ATXN2: variants seen among roughly 807,000 people sequenced by gnomAD.
ATXN2 encodes ataxin-2.
ATXN2 carries 37 observed loss-of-function variants against 138.6 expected under a neutral mutation model. That is an observed-to-expected ratio of 0.27 (90% CI 0.21 to 0.35). The LOEUF (loss-of-function observed/expected upper bound fraction) is 0.35. ATXN2 is among the 10% of genes least tolerant of loss of function. ATXN2 has a pLI of 1.00. For synonymous variants in ATXN2, 549 were observed against 543.7 expected, an observed-to-expected ratio of 1.01 and a Z score of -0.13; for missense variants, 1,216 against 1,480.3, an observed-to-expected ratio of 0.82 and a Z score of 2.93.
intron 1 of ATXN2, among the ~76,000 whole-genome samples, chr12:111,558,710 T>A (rs1317967736): frequency 6.6e-6 from 1 of 152,108 alleles, no homozygotes; most frequent in East Asian, 1.9e-4. Flanking sequence ...GGTGGGAGGA[T>A]CACTTGAGCC....
chr12:111,452,663 A>C lies in ATXN2; in HGVS notation c.*149T>G, dbSNP rs753800860. The C allele has an allele frequency of 2.2e-6, 2 of 910,356 alleles. No homozygotes were observed. Among genetic ancestry groups the C allele is most frequent in the Non-Finnish European group, 3.5e-6 (2 of 573,352 alleles). The allele number at this position is 910,356 out of a possible 1,614,324, so 56.4% of individuals were successfully genotyped here. Reference sequence around the variant, plus strand: ...TCCAAGTATCTTCCACTGCAAGTGAACTGTTAGCATTCCTATTGGATGTTA... The same window carrying C: ...TCCAAGTATCTTCCACTGCAAGTGACCTGTTAGCATTCCTATTGGATGTTA... On this transcript the variant is annotated 3_prime_UTR_variant, in exon 25 of 25. Transcript: ENST00000673436.
chr12:111,595,549 G>C (rs1043507032), intron 1 of ATXN2, among the ~76,000 whole-genome samples: 1 of 151,754 alleles, frequency 6.6e-6, no homozygotes, highest in East Asian at 1.9e-4. Flanking sequence ...GGCTGAGGTG[G>C]GAGAATCGCT....
At chr12:111,521,087 C>A in intron 6 of ATXN2, 114 bp from the exon 7 acceptor site, 1 of 683,040 alleles carries the variant, frequency 1.5e-6, no homozygotes, top group South Asian at 2.0e-5. Context: ...GCAAAATTAG[C>A]AAATTAGAAA....
chr12:111,510,732 G>A (rs2135729875), intron 11 of ATXN2, 150 bp from the exon 12 acceptor site: 2 of 651,072 alleles, frequency 3.1e-6, no homozygotes, highest in Non-Finnish European at 2.4e-6. Flanking sequence ...TTTCCAAAAT[G>A]TTAGGAATTT....
intron 16 of ATXN2, among the ~76,000 whole-genome samples, chr12:111,486,215 T>TA (rs1207926320): frequency 6.6e-6 from 1 of 152,232 alleles, no homozygotes; most frequent in Non-Finnish European, 1.5e-5. Context: ...TTGGTTACAG[T>TA]ACCCTGTGAA....
chr12:111,598,625 C>T lies in ATXN2; in HGVS notation c.251+159G>A. On this transcript the variant is annotated intron_variant, in intron 1 of 24. Transcript: ENST00000673436. This position sits in a 1 kb window ranked among gnomAD's most constrained non-coding sequence, Gnocchi z 4.5. ...GAGGACCCCGGCTGCGCCCACCGGC[C>T]GAGCCTCGGGGCTCAGGCCCGAGCG... 1.1e-6 allele frequency: 1 copy of T among 951,974 alleles called. No homozygotes were observed. The highest frequency in any genetic ancestry group is 1.8e-5 in the African/African-American group (1 of 56,702). The allele number at this position is 951,974 out of a possible 1,614,324, so 59.0% of individuals were successfully genotyped here. A position where few individuals can be genotyped will look rare whatever the true frequency, so the allele number is the denominator to read the frequency against.
At chr12:111,469,586 CTCA>C (rs1876261567) in intron 20 of ATXN2, 1 of 152,110 alleles carries the variant, frequency 6.6e-6, no homozygotes, top group South Asian at 2.1e-4. Flanking sequence ...TAAAGTGTGA[CTCA>C]TGTCTAAAAT....
intron 14 of ATXN2, among the ~76,000 whole-genome samples, chr12:111,506,275 A>T (rs1879100565): frequency 2.0e-5 from 3 of 152,208 alleles, no homozygotes; most frequent in Non-Finnish European, 4.4e-5. Flanking sequence ...GGTGAAGAGT[A>T]TGTTTTAAAA....
intron 5 of ATXN2, 118 bp from the exon 6 acceptor site, chr12:111,525,434 T>C (rs1303463002): frequency 8.5e-7 from 1 of 1,178,208 alleles, no homozygotes; most frequent in East Asian, 2.7e-5. Flanking sequence ...GAATTTCACA[T>C]AATTGTTTAA....
chr12:111,504,245 G>C (rs1454589646), intron 14 of ATXN2, among the ~76,000 whole-genome samples: 2 of 152,202 alleles, frequency 1.3e-5, no homozygotes, highest in African/African-American at 4.8e-5. Context: ...TTTCACATTT[G>C]TAGTCAACAG....
intron 5 of ATXN2, among the ~76,000 whole-genome samples, chr12:111,535,748 C>G (rs1056963223): frequency 6.6e-6 from 1 of 152,042 alleles, no homozygotes; most frequent in Non-Finnish European, 1.5e-5. Flanking sequence ...CGCCTGTAAT[C>G]CCAGCACTTT....
intron 10 of ATXN2, among the ~76,000 whole-genome samples, chr12:111,515,740 TC>T: frequency 6.6e-6 from 1 of 152,250 alleles, no homozygotes; most frequent in Non-Finnish European, 1.5e-5. Context: ...GAAAACACCA[TC>T]CCTGCTTATG....
chr12:111,591,635 G>C (rs1884669397), intron 1 of ATXN2, among the ~76,000 whole-genome samples: 1 of 151,610 alleles, frequency 6.6e-6, no homozygotes. Flanking sequence ...GGGAGACCTT[G>C]ACTCTAAAAA....
chr12:111,591,364 T>TCAAAAA (rs1566085802), intron 1 of ATXN2, among the ~76,000 whole-genome samples: 1 of 151,714 alleles, frequency 6.6e-6, no homozygotes, highest in African/African-American at 2.4e-5. Context: ...AACTTAAAAT[T>TCAAAAA]TAAAAATAAA....
Position 111,598,022 on chromosome 12 carries a change from G to A in ATXN2, c.251+762C>T. On this transcript the variant is annotated intron_variant, in intron 1 of 24. Transcript: ENST00000673436. The surrounding 1 kb of genome is among the most constrained non-coding windows in gnomAD (Gnocchi z 4.5). ...GCGGGGGAAGGAGGAAGGCCGGGAC[G>A]GGGCCGGGCACTCCCCACCCCTTCC... 2 of 1,190,968 alleles carry A rather than the reference G, an allele frequency of 1.7e-6. No homozygotes were observed. The highest frequency in any genetic ancestry group is 2.1e-6 in the Non-Finnish European group (2 of 941,260). The allele number at this position is 1,190,968 out of a possible 1,614,324, so 73.8% of individuals were successfully genotyped here. A position where few individuals can be genotyped will look rare whatever the true frequency, so the allele number is the denominator to read the frequency against.
In ATXN2 at chr12:111,574,282, T is replaced by C. The variant is rs926246380; in HGVS notation, c.252-18363A>G. ...AAGATCGCACCACTGCACTCCAGCC[T>C]GGGCGACAGAGCAAGACTCTGTCTC... On this transcript the variant is annotated intron_variant, in intron 1 of 24. Coordinates refer to ENST00000673436, the MANE Select transcript of ATXN2 (RefSeq NM_001372574.1). Among the ~76,000 whole-genome samples the C allele has an allele frequency of 4.3e-5, 5 of 115,452 alleles. No individual in the cohort carries two copies. In the East Asian group the frequency reaches 1.5e-3, roughly 36 times the overall value. 75.7% of individuals were successfully genotyped at this position (115,452 alleles called of 152,430 possible).
chr12:111,586,481 G>A (rs1884347121), intron 1 of ATXN2, among the ~76,000 whole-genome samples: 1 of 150,736 alleles, frequency 6.6e-6, no homozygotes, highest in African/African-American at 2.4e-5. Context: ...TGCCTCCCGG[G>A]TTCAAGCAAT....
chr12:111,470,637 G>C lies in ATXN2; in HGVS notation c.2630C>G (p.Ser877Cys). ...PPIAATPPAY[S>C]TQYVAYSPQQ... ...AGGACTGTAGGCAACATATTGCGTG[G>C]AGTAAGCTGGTGGGGTGGCTGCAAT... The change falls in exon 19 of 25, where the codon TCC becomes TGC. Residue 877 changes from serine to cysteine, a missense_variant. Around this residue, in one of 4 missense-constraint regions of ATXN2, gnomAD observed 490 missense variants for 653.5 expected, o/e 0.75. Transcript: ENST00000673436. 6.2e-7 allele frequency: 1 copy of C among 1,614,178 alleles called. No homozygotes were observed. The highest frequency in any genetic ancestry group is 8.5e-7 in the Non-Finnish European group (1 of 1,180,030).
At chr12:111,523,537 A>G (rs892445815) in intron 6 of ATXN2, among the ~76,000 whole-genome samples, 3 of 152,064 alleles carry the variant, frequency 2.0e-5, no homozygotes, top group Non-Finnish European at 4.4e-5. Flanking sequence ...CAGCCTGGCC[A>G]ACATATGGTG....
Sources: gnomAD v4.1 joint callset for allele counts (sites outside exome capture counted in the v4.1 genomes callset) on GRCh38, gnomAD v4.1.1 for gene constraint, gnomAD v4.1.1 regional missense constraint, Gnocchi (gnomAD v3.1) non-coding constraint, MANE v1.5 for transcripts, NCBI Gene and HGNC (gene_info 2026-07-23, HGNC 2026-07-21) for gene names.